Variants in CHMP2B observed in about 807,000 individuals in gnomAD.
CHMP2B encodes the protein VPS2 homolog B.
Under a neutral mutation model 29.8 loss-of-function variants are expected in CHMP2B, and 22 were observed. That is an observed-to-expected ratio of 0.74 (90% CI 0.53 to 1.05). CHMP2B has a LOEUF of 1.05. CHMP2B is among the 50% of genes least tolerant of loss of function. The pLI is 0.00. For missense variants in CHMP2B, 261 were observed against 252.2 expected (o/e 1.03, Z -0.24); for synonymous variants, 78 against 75.8 (o/e 1.03, Z -0.15).
Position 87,227,442 on chromosome 3 carries a change from G to GTCCTGTCCTTTTCC in CHMP2B, c.-69_-56dup, listed in dbSNP as rs1705829271. 6.4e-7 allele frequency: 1 copy of GTCCTGTCCTTTTCC among 1,564,124 alleles called. No individual in the cohort carries two copies. Among genetic ancestry groups the GTCCTGTCCTTTTCC allele is most frequent in the African/African-American group, 1.4e-5 (1 of 74,010 alleles). On this transcript the variant is annotated 5_prime_UTR_variant, in exon 1 of 6. Coordinates refer to ENST00000263780, the MANE Select transcript of CHMP2B (RefSeq NM_014043.4). ...GCTCCGCCACCCCGAACCCGCCAAGGTCCTGTCCTTTTCCTCCTGTCCTTT... is the reference window on the plus strand; with the variant it reads ...GCTCCGCCACCCCGAACCCGCCAAGGTCCTGTCCTTTTCCTCCTGTCCTTTTCCTCCTGTCCTTT...
At chr3:87,242,687 G>C (rs1000979891) in intron 2 of CHMP2B, among the ~76,000 whole-genome samples, 1 of 152,144 alleles carries the variant, frequency 6.6e-6, no homozygotes, top group African/African-American at 2.4e-5. Flanking sequence ...CATATGGAAA[G>C]TCAGTTGTTT....
intron 1 of CHMP2B, among the ~76,000 whole-genome samples, chr3:87,233,861 T>C (rs947077177): frequency 2.5e-4 from 38 of 152,198 alleles, no homozygotes; most frequent in Non-Finnish European, 2.9e-5. Context: ...AAGAAATACA[T>C]TTAATAGTAG....
At chr3:87,237,182 A>C (rs1706032185) in intron 1 of CHMP2B, among the ~76,000 whole-genome samples, 1 of 152,124 alleles carries the variant, frequency 6.6e-6, no homozygotes, top group South Asian at 2.1e-4. Context: ...CAGCCTATAG[A>C]TGTCTGAGGA....
rs1575972762 is a variant in CHMP2B, at chr3:87,253,942, T to C, written c.*120T>C. The C allele has an allele frequency of 8.7e-6, 6 of 685,984 alleles. 1 individual carries two copies. The highest frequency in any genetic ancestry group is 1.7e-5 in the South Asian group (1 of 59,946). 42.5% of individuals were successfully genotyped at this position (685,984 alleles called of 1,614,324 possible). A position where few individuals can be genotyped will look rare whatever the true frequency, so the allele number is the denominator to read the frequency against. ...AAAAAAAAAAAATGAAGACCATGAG[T>C]GAACAGTTGTTTCCTAACCCATGGC... On this transcript the variant is annotated 3_prime_UTR_variant, in exon 6 of 6. Transcript: ENST00000263780.
chr3:87,248,769 TG>T (rs1559610043), intron 3 of CHMP2B, among the ~76,000 whole-genome samples: 1 of 142,820 alleles, frequency 7.0e-6, no homozygotes, highest in South Asian at 2.5e-4. Context: ...TGGGGAGGGA[TG>T]GGGGGAATGC....
At chr3:87,242,377 G>C (rs1482923579) in intron 2 of CHMP2B, among the ~76,000 whole-genome samples, 2 of 152,004 alleles carry the variant, frequency 1.3e-5, no homozygotes, top group Non-Finnish European at 2.9e-5. Flanking sequence ...TCAAATTGGT[G>C]ATAGTGTTTT....
At chr3:87,230,722 T>C (rs1435036103) in intron 1 of CHMP2B, among the ~76,000 whole-genome samples, 1 of 152,192 alleles carries the variant, frequency 6.6e-6, no homozygotes, top group Non-Finnish European at 1.5e-5. Context: ...AGTGATGTCT[T>C]ATCTCCACTT....
chr3:87,240,781 A>T lies in CHMP2B; in HGVS notation c.117A>T (p.Glu39Asp). 6.2e-7 allele frequency: 1 copy of T among 1,611,906 alleles called. No homozygotes were observed. Among genetic ancestry groups the T allele is most frequent in the Non-Finnish European group, 8.5e-7 (1 of 1,178,062 alleles). ...IRDRAALEKQ[E>D]KQLELEIKKM... The stretch of plus-strand genomic sequence containing the variant: ...ATCGAGCAGCTTTAGAGAAACAAGA[A>T]AAACAGCTGGTAAGTAGAACGTTAA... Residue 39 changes from glutamate to aspartate, a missense_variant, in exon 2 of 6, where the codon GAA becomes GAT. Transcript: ENST00000263780.
At chr3:87,246,756 A>T (rs1706220948) in intron 3 of CHMP2B, among the ~76,000 whole-genome samples, 1 of 152,218 alleles carries the variant, frequency 6.6e-6, no homozygotes, top group African/African-American at 2.4e-5. Flanking sequence ...TGAGTCTTTC[A>T]GTCATTTAAT....
intron 3 of CHMP2B, among the ~76,000 whole-genome samples, chr3:87,247,877 C>A (rs539638784): frequency 2.0e-5 from 3 of 152,204 alleles, no homozygotes; most frequent in South Asian, 2.1e-4. Context: ...TTGATCACTA[C>A]GCATTATATA....
chr3:87,249,809 G>C lies in CHMP2B; in HGVS notation c.322-66G>C. 3 of 948,992 alleles carry C rather than the reference G, an allele frequency of 3.2e-6. No individual in the cohort carries two copies. In the South Asian group the frequency reaches 4.2e-5, roughly 13 times the overall value. 58.8% of individuals were successfully genotyped at this position (948,992 alleles called of 1,614,324 possible). A position where few individuals can be genotyped will look rare whatever the true frequency, so the allele number is the denominator to read the frequency against. On this transcript the variant is annotated intron_variant, in intron 3 of 5. Transcript: ENST00000263780. ...ATCTATATTTGATGTGTTCCCTTTT[G>C]ACTTATTTCATAGTAAAATTTTCAT...
At chr3:87,238,851 T>G (rs913200131) in intron 1 of CHMP2B, among the ~76,000 whole-genome samples, 2 of 152,184 alleles carry the variant, frequency 1.3e-5, no homozygotes, top group East Asian at 3.9e-4. Context: ...ATGTTTCACT[T>G]TTTGAGGAAT....
chr3:87,235,935 C>G (rs1269318619), intron 1 of CHMP2B, among the ~76,000 whole-genome samples: 1 of 152,196 alleles, frequency 6.6e-6, no homozygotes, highest in Non-Finnish European at 1.5e-5. Flanking sequence ...ACTCTCAGAA[C>G]TCATCAGAGT....
chr3:87,246,870 T>G (rs1706222712), intron 3 of CHMP2B, among the ~76,000 whole-genome samples: 1 of 152,208 alleles, frequency 6.6e-6, no homozygotes, highest in African/African-American at 2.4e-5. Context: ...ATATGTCTCT[T>G]GGAACCTACC....
At chr3:87,253,630 C>T (rs527883435) in intron 5 of CHMP2B, 82 bp from the exon 6 acceptor site, 48 of 1,382,308 alleles carry the variant, frequency 3.5e-5, no homozygotes, top group Non-Finnish European at 4.5e-5. Context: ...GTAAATTAAA[C>T]AGACCTCTTT....
chr3:87,253,583 TA>T, intron 5 of CHMP2B, 73 bp downstream of exon 5: 1 of 1,342,130 alleles, frequency 7.5e-7, no homozygotes, highest in Non-Finnish European at 1.1e-6. Flanking sequence ...GTTTTGTTTT[TA>T]CTAGGAGGTG....
intron 1 of CHMP2B, among the ~76,000 whole-genome samples, chr3:87,239,116 G>T (rs1706068749): frequency 6.6e-6 from 1 of 151,976 alleles, no homozygotes; most frequent in South Asian, 2.1e-4. Flanking sequence ...TAAAAGTTGG[G>T]TTGTTTGTAT....
intron 2 of CHMP2B, among the ~76,000 whole-genome samples, chr3:87,241,787 A>G (rs972859288): frequency 6.6e-6 from 1 of 152,158 alleles, no homozygotes; most frequent in Admixed American, 6.5e-5. Flanking sequence ...AGTTTTTGTG[A>G]ACATGGTTTT....
intron 2 of CHMP2B, among the ~76,000 whole-genome samples, chr3:87,241,041 A>C (rs575545480): frequency 1.3e-5 from 2 of 152,238 alleles, no homozygotes; most frequent in Non-Finnish European, 2.9e-5. Context: ...GAGAGTCATA[A>C]GTATCTAGGA....
Sources: allele counts gnomAD v4.1 joint callset (sites outside exome capture counted in the v4.1 genomes callset), GRCh38; gene constraint gnomAD v4.1.1; transcripts MANE v1.5; gene names NCBI Gene and HGNC (gene_info 2026-07-23, HGNC 2026-07-21).